The following KPNA7 variants were observed in gnomAD, a reference collection of about 807,000 sequenced individuals.
The protein encoded by KPNA7 is karyopherin subunit alpha 7, also known as importin subunit alpha-8.
A neutral mutation model predicts 53.7 loss-of-function variants in KPNA7; 54 were observed. The observed-to-expected ratio is 1.01, with a 90% CI of 0.81 to 1.26. The LOEUF is 1.26. Ranked by LOEUF, KPNA7 falls within the 50% of genes most tolerant of loss-of-function variation. KPNA7 has a pLI of 0.00. For missense variants in KPNA7, 640 were observed against 644.5 expected (o/e 0.99, Z 0.07); for synonymous variants, 276 against 259.3 (o/e 1.06, Z -0.62).
chr7:99,194,209 T>C (rs1790105948), intron 5 of KPNA7, among the ~76,000 whole-genome samples: 1 of 152,162 alleles, frequency 6.6e-6, no homozygotes, highest in South Asian at 2.1e-4. Flanking sequence ...GCCAAGAATC[T>C]GGGGGCTTCC....
At chr7:99,154,162 T>C in the KPNA7 span, among the ~76,000 whole-genome samples, 1 of 150,624 alleles carries the variant, frequency 6.6e-6, no homozygotes, top group South Asian at 2.1e-4. Context: ...AGACAGAGTC[T>C]CTGTCACCCA....
At chr7:99,162,274 C>T in the KPNA7 span, among the ~76,000 whole-genome samples, 1 of 151,994 alleles carries the variant, frequency 6.6e-6, no homozygotes, top group Admixed American at 6.6e-5. Context: ...GAACTCCTGA[C>T]CTCAGGTGAT....
rs1384989053 is a variant in KPNA7 at position 99,181,812 on chromosome 7, A to AG, written c.1317+70dup. 21 of 1,298,818 alleles carry AG rather than the reference A, an allele frequency of 1.6e-5. 1 individual carries two copies. In the Middle Eastern group the frequency reaches 1.4e-3, roughly 86 times the overall value. 80.5% of individuals were successfully genotyped at this position (1,298,818 alleles called of 1,614,324 possible). On this transcript the variant is annotated intron_variant, in intron 9 of 10. Transcript: ENST00000327442. Reference sequence around the variant, plus strand: ...CTCCCAAAGTACAACTTGAATTTTAAGAGCCACATTAAATGCTTGTATCCA... The same window carrying AG: ...CTCCCAAAGTACAACTTGAATTTTAAGGAGCCACATTAAATGCTTGTATCCA...
At chr7:99,165,515 T>C in the KPNA7 span, among the ~76,000 whole-genome samples, 8 of 152,130 alleles carry the variant, frequency 5.3e-5, no homozygotes, top group African/African-American at 1.4e-4. Flanking sequence ...AGATACTGAT[T>C]GCAGGCCCCA....
At chr7:99,217,724 G>A (rs2150791802) in intron 1 of KPNA7, among the ~76,000 whole-genome samples, 1 of 141,728 alleles carries the variant, frequency 7.1e-6, no homozygotes, top group East Asian at 2.2e-4. Flanking sequence ...TCCGCCTCCT[G>A]GGTTGAAGCA....
chr7:99,215,985 A>G (rs73405111), intron 1 of KPNA7, among the ~76,000 whole-genome samples: 3,319 of 151,962 alleles, frequency 0.022, 116 homozygotes, highest in African/African-American at 0.075. Flanking sequence ...TAAAAAAAAA[A>G]AAAAAAGAAA....
intron 1 of KPNA7, among the ~76,000 whole-genome samples, chr7:99,217,944 CTT>C (rs1433521224): frequency 6.6e-6 from 1 of 152,094 alleles, no homozygotes; most frequent in East Asian, 1.9e-4. Context: ...CCTCGCCACT[CTT>C]TAGCTTTCTG....
At chr7:99,205,433 A>T (rs1790755878) in intron 2 of KPNA7, among the ~76,000 whole-genome samples, 1 of 128,510 alleles carries the variant, frequency 7.8e-6, no homozygotes, top group Non-Finnish European at 1.7e-5. Flanking sequence ...AAAAAAAAAA[A>T]AAGTGATTTT....
chr7:99,210,131 C>T (rs1791023685), upstream of KPNA7, among the ~76,000 whole-genome samples: 1 of 152,200 alleles, frequency 6.6e-6, no homozygotes, highest in African/African-American at 2.4e-5. Flanking sequence ...GGCCCCAGCC[C>T]ACTTCACCTC....
At chr7:99,175,344 A>C (rs546022510) in intron 10 of KPNA7, among the ~76,000 whole-genome samples, 1 of 151,582 alleles carries the variant, frequency 6.6e-6, no homozygotes, top group African/African-American at 2.4e-5. Flanking sequence ...CACCTGGCTA[A>C]TTTTTGTATT....
intron 6 of KPNA7, among the ~76,000 whole-genome samples, chr7:99,190,492 A>C (rs1194615731): frequency 6.6e-6 from 1 of 151,628 alleles, no homozygotes; most frequent in Non-Finnish European, 1.5e-5. Context: ...AGCCCACAGG[A>C]CTGGGTCTCA....
intron 2 of KPNA7, among the ~76,000 whole-genome samples, chr7:99,204,952 G>T (rs576280998): frequency 1.3e-5 from 2 of 152,308 alleles, no homozygotes; most frequent in Non-Finnish European, 2.9e-5. Context: ...TCATACTGTT[G>T]CCCCATCGCT....
At chr7:99,169,828 G>A (rs1200317645), downstream of KPNA7, among the ~76,000 whole-genome samples, 2 of 151,908 alleles carry the variant, frequency 1.3e-5, no homozygotes, top group African/African-American at 4.8e-5. Context: ...ATCACTTCAG[G>A]TCAGGGATTC....
At chr7:99,205,355 T>C (rs1213871623) in intron 2 of KPNA7, among the ~76,000 whole-genome samples, 1 of 140,136 alleles carries the variant, frequency 7.1e-6, no homozygotes, top group Non-Finnish European at 1.5e-5. Flanking sequence ...GAGGTTGCAG[T>C]GAGCCAAGAT....
Position 99,188,559 on chromosome 7 carries a change from G to A in KPNA7, c.641C>T (p.Thr214Ile), listed in dbSNP as rs1486691808. Residue 214 changes from threonine to isoleucine, a missense_variant, in exon 7 of 11, where the codon ACA becomes ATA. Physicochemically the swap from Thr to Ile is moderately conservative, Grantham distance 89 (BLOSUM62 -1). Transcript: ENST00000327442. ...LALISPTLPI[T>I]FLRNITWTLS... ...GGTCCACGTGATGTTCCGCAGAAAT[G>A]TGATCTGTAACAAGGAGACTGCCTC... 4.5e-6 allele frequency: 7 copies of A among 1,551,148 alleles called. No homozygotes were observed. The East Asian group carries it at 1.5e-4, about 32-fold the overall frequency.
intron 10 of KPNA7, 106 bp downstream of exon 10, chr7:99,177,814 C>G (rs892115652): frequency 6.0e-6 from 7 of 1,174,900 alleles, no homozygotes; most frequent in Non-Finnish European, 8.3e-6. Context: ...GACCACCTGC[C>G]CAGTCACCTG....
At chr7:99,215,997 G>T (rs1349817274) in intron 1 of KPNA7, among the ~76,000 whole-genome samples, 1 of 150,054 alleles carries the variant, frequency 6.7e-6, no homozygotes, top group Non-Finnish European at 1.5e-5. Flanking sequence ...AAAAAGAAAA[G>T]CACTGAGTTA....
the KPNA7 span, among the ~76,000 whole-genome samples, chr7:99,168,291 G>A: frequency 6.6e-6 from 1 of 152,188 alleles, no homozygotes; most frequent in African/African-American, 2.4e-5. Flanking sequence ...TGTTTGAAGT[G>A]CAAGAATTCT....
chr7:99,146,264 T>C, the KPNA7 span, among the ~76,000 whole-genome samples: 1 of 152,212 alleles, frequency 6.6e-6, no homozygotes, highest in Non-Finnish European at 1.5e-5. Context: ...TGGTTCTTCG[T>C]TGGCTTGACT....
Sources: allele counts gnomAD v4.1 joint callset (sites outside exome capture counted in the v4.1 genomes callset), GRCh38; gene constraint gnomAD v4.1.1; transcripts MANE v1.5; gene names NCBI Gene and HGNC (gene_info 2026-07-23, HGNC 2026-07-21).